Variants in TSC22D1 observed in about 807,000 individuals in gnomAD.
The protein encoded by TSC22D1 is TSC22 domain family member 1.
TSC22D1 carries 9 observed loss-of-function variants against 74.2 expected under a neutral mutation model. The ratio of observed to expected loss-of-function variants is 0.12; its 90% CI spans 0.07 to 0.21. The LOEUF (loss-of-function observed/expected upper bound fraction) is 0.21. Ranked by LOEUF, TSC22D1 falls within the 10% of genes least tolerant of loss-of-function variation. The pLI is 1.00. For missense variants in TSC22D1, 1,427 were observed against 1,304.7 expected, an observed-to-expected ratio of 1.09 and a Z score of -1.44; for synonymous variants, 586 against 492.5, an observed-to-expected ratio of 1.19 and a Z score of -2.51.
intron 1 of TSC22D1, among the ~76,000 whole-genome samples, chr13:44,450,403 TAGGG>T (rs1465192053): frequency 1.3e-5 from 2 of 152,150 alleles, no homozygotes; most frequent in African/African-American, 4.8e-5. Flanking sequence ...GTCCACATAA[TAGGG>T]TTTAAAGGGG....
intron 1 of TSC22D1, among the ~76,000 whole-genome samples, chr13:44,553,694 A>T (rs904278215): frequency 9.9e-5 from 15 of 152,140 alleles, no homozygotes; most frequent in African/African-American, 2.4e-4. Flanking sequence ...ACCCCCATTT[A>T]AAAAAAGGGA....
chr13:44,442,858 G>A (rs1374603524), intron 1 of TSC22D1, among the ~76,000 whole-genome samples: 1 of 145,522 alleles, frequency 6.9e-6, no homozygotes, highest in Admixed American at 7.1e-5. Flanking sequence ...GGAGTGAGCC[G>A]AGATTGCGCC....
intron 1 of TSC22D1, among the ~76,000 whole-genome samples, chr13:44,490,292 G>A (rs1372042728): frequency 6.6e-6 from 1 of 151,230 alleles, no homozygotes; most frequent in Non-Finnish European, 1.5e-5. Context: ...TAGTGTTAGA[G>A]GTCTGTAGAG....
intron 1 of TSC22D1, among the ~76,000 whole-genome samples, chr13:44,526,240 A>G (rs1318687353): frequency 6.6e-6 from 1 of 152,248 alleles, no homozygotes; most frequent in African/African-American, 2.4e-5. Context: ...TTAGGCCAAC[A>G]ATTGCAAATA....
At chr13:44,513,103 G>T (rs1438902806) in intron 1 of TSC22D1, among the ~76,000 whole-genome samples, 1 of 152,198 alleles carries the variant, frequency 6.6e-6, no homozygotes, top group Non-Finnish European at 1.5e-5. Flanking sequence ...TCCTCAGGAA[G>T]GTCTTGCCCA....
intron 1 of TSC22D1, among the ~76,000 whole-genome samples, chr13:44,489,261 T>C (rs1449439563): frequency 6.7e-6 from 1 of 148,976 alleles, no homozygotes; most frequent in Non-Finnish European, 1.5e-5. Context: ...AAGGTAAAAC[T>C]GTTCCTAGAA....
chr13:44,507,108 A>G (rs1879481373), intron 1 of TSC22D1, among the ~76,000 whole-genome samples: 1 of 152,226 alleles, frequency 6.6e-6, no homozygotes, highest in Non-Finnish European at 1.5e-5. Flanking sequence ...AAAGAGGCCC[A>G]GGTTGAAGAT....
chr13:44,563,732 C>CT (rs1458939598), intron 1 of TSC22D1, among the ~76,000 whole-genome samples: 1 of 152,208 alleles, frequency 6.6e-6, no homozygotes, highest in Non-Finnish European at 1.5e-5. Context: ...CATCTGTGAA[C>CT]TTTGCTTATG....
At chr13:44,458,355 C>T (rs1000297526) in intron 1 of TSC22D1, among the ~76,000 whole-genome samples, 1 of 152,208 alleles carries the variant, frequency 6.6e-6, no homozygotes, top group African/African-American at 2.4e-5. Context: ...GAGTTAGAGC[C>T]TAATTCAAAT....
chr13:44,556,223 T>A (rs1882627772), intron 1 of TSC22D1, among the ~76,000 whole-genome samples: 1 of 150,334 alleles, frequency 6.7e-6, no homozygotes, highest in African/African-American at 2.5e-5. Flanking sequence ...AGTTCTACTG[T>A]TAAAAAAAAA....
chr13:44,491,364 T>C (rs1183470169), intron 1 of TSC22D1, among the ~76,000 whole-genome samples: 1 of 151,960 alleles, frequency 6.6e-6, no homozygotes, highest in East Asian at 1.9e-4. Flanking sequence ...CCATCCTGGC[T>C]AACATGGTGA....
At chr13:44,548,243 G>A (rs560068296) in intron 1 of TSC22D1, among the ~76,000 whole-genome samples, 25 of 152,296 alleles carry the variant, frequency 1.6e-4, no homozygotes, top group African/African-American at 4.3e-4. Context: ...GGGGCTGGGC[G>A]CGGTGGCGCA....
At chr13:44,565,145 T>C (rs537195210) in intron 1 of TSC22D1, among the ~76,000 whole-genome samples, 36 of 152,258 alleles carry the variant, frequency 2.4e-4, no homozygotes, top group South Asian at 8.3e-4. Flanking sequence ...GGACTAGTGA[T>C]AGGCTTTCAG....
rs1350802300 is a variant in TSC22D1 at position 44,434,527 on chromosome 13, G to A, written c.*99C>T. On this transcript the variant is annotated 3_prime_UTR_variant, in exon 3 of 3. Transcript: ENST00000458659. ...CAGTCTCACGTCTCTTTCGCAGCGA[G>A]CAATGAAATGGGTGACTGTGGAGGC... 2.7e-6 allele frequency: 4 copies of A among 1,468,392 alleles called. No individual in the cohort carries two copies. Among genetic ancestry groups the A allele is most frequent in the Non-Finnish European group, 2.7e-6 (3 of 1,113,574 alleles). 91.0% of individuals were successfully genotyped at this position (1,468,392 alleles called of 1,614,324 possible).
intron 1 of TSC22D1, among the ~76,000 whole-genome samples, chr13:44,533,252 G>T (rs1880954827): frequency 6.6e-6 from 1 of 151,954 alleles, no homozygotes. Context: ...CTTGAGGTCA[G>T]GAGTTCGAGA....
chr13:44,528,603 G>A (rs1880666891), intron 1 of TSC22D1, among the ~76,000 whole-genome samples: 1 of 151,700 alleles, frequency 6.6e-6, no homozygotes, highest in Admixed American at 6.6e-5. Flanking sequence ...CAATAATCTA[G>A]GAAAACTGAA....
intron 1 of TSC22D1, among the ~76,000 whole-genome samples, chr13:44,528,970 T>C (rs1880689186): frequency 6.6e-6 from 1 of 152,084 alleles, no homozygotes; most frequent in Non-Finnish European, 1.5e-5. Context: ...ATTAAAGAAA[T>C]TGAATCAATC....
At chr13:44,495,205 C>T (rs563930568) in intron 1 of TSC22D1, among the ~76,000 whole-genome samples, 1 of 145,792 alleles carries the variant, frequency 6.9e-6, no homozygotes, top group South Asian at 2.3e-4. Flanking sequence ...AAATAATGGC[C>T]AAAAACTTCC....
At chr13:44,515,285 G>A (rs1376893327) in intron 1 of TSC22D1, among the ~76,000 whole-genome samples, 1 of 151,302 alleles carries the variant, frequency 6.6e-6, no homozygotes, top group Non-Finnish European at 1.5e-5. Flanking sequence ...ATATCCATGA[G>A]ACACAATCCT....
Sources: gnomAD v4.1 joint callset for allele counts (sites outside exome capture counted in the v4.1 genomes callset) on GRCh38, gnomAD v4.1.1 for gene constraint, MANE v1.5 for transcripts, NCBI Gene and HGNC (gene_info 2026-07-23, HGNC 2026-07-21) for gene names.